Variants in DEFB121 observed in about 807,000 individuals in gnomAD.
DEFB121 encodes defensin beta 121.
A neutral mutation model predicts 2.5 loss-of-function variants in DEFB121; 5 were observed. The observed-to-expected ratio is 1.96, with a 90% CI of 1.03 to 4.13. The LOEUF (loss-of-function observed/expected upper bound fraction) is 4.13, where lower values mean the gene tolerates loss of function less well. DEFB121 is among the 30% of genes most tolerant of loss of function. The pLI is 0.00. For missense variants in DEFB121, 87 were observed against 85.0 expected (o/e 1.02, Z -0.09); for synonymous variants, 39 against 32.6 (o/e 1.20, Z -0.67).
At chr20:31,413,664 C>G (rs1036594763), upstream of DEFB121, among the ~76,000 whole-genome samples, 9 of 145,948 alleles carry the variant, frequency 6.2e-5, no homozygotes, top group African/African-American at 2.3e-4. Flanking sequence ...CATTATATGC[C>G]CTGGCCTTGG....
At chr20:31,418,259 C>CAA in the DEFB121 span, among the ~76,000 whole-genome samples, 64 of 82,920 alleles carry the variant, frequency 7.7e-4, no homozygotes, top group East Asian at 2.4e-3. Flanking sequence ...GACTCCGTCT[C>CAA]AAAAAAAAAA....
upstream of DEFB121, among the ~76,000 whole-genome samples, chr20:31,416,209 C>A (rs1252689441): frequency 6.6e-6 from 1 of 152,048 alleles, no homozygotes; most frequent in East Asian, 1.9e-4. Context: ...TACAGGTGTG[C>A]GCCACCACGC....
At chr20:31,407,021 G>C (rs552670375), upstream of DEFB121, among the ~76,000 whole-genome samples, 2 of 152,132 alleles carry the variant, frequency 1.3e-5, no homozygotes, top group Non-Finnish European at 2.9e-5. Flanking sequence ...GCCGAGGCAG[G>C]CGGATCACAA....
upstream of DEFB121, among the ~76,000 whole-genome samples, chr20:31,409,734 C>T (rs182396530): frequency 1.8e-3 from 269 of 152,084 alleles, no homozygotes; most frequent in African/African-American, 6.0e-3. Flanking sequence ...ACAACAAGAG[C>T]GAAACACTGT....
chr20:31,411,098 C>T (rs995273684), upstream of DEFB121, among the ~76,000 whole-genome samples: 5 of 152,274 alleles, frequency 3.3e-5, no homozygotes, highest in South Asian at 4.1e-4. Flanking sequence ...CATGATTTAT[C>T]GGAATTAATA....
upstream of DEFB121, chr20:31,406,326 G>T (rs1475057335): frequency 7.3e-7 from 1 of 1,363,932 alleles, no homozygotes; most frequent in Non-Finnish European, 9.5e-7. Flanking sequence ...GGCAAGGAAG[G>T]TATCAACCAC....
upstream of DEFB121, among the ~76,000 whole-genome samples, chr20:31,407,129 A>G (rs1978507669): frequency 6.6e-6 from 1 of 152,034 alleles, no homozygotes; most frequent in Admixed American, 6.6e-5. Flanking sequence ...TGGCCACTGT[A>G]GTCCCAGCTA....
chr20:31,412,653 G>A (rs1399295011), exon 1 of DEFB121: 1 of 1,290,740 alleles, frequency 7.7e-7, no homozygotes, highest in Non-Finnish European at 1.0e-6. Flanking sequence ...TTTGGCTATT[G>A]ACCTCTTTCC....
the DEFB121 span, among the ~76,000 whole-genome samples, chr20:31,418,259 CAAAAAAAAAAAAAA>C: frequency 1.2e-5 from 1 of 82,922 alleles, no homozygotes; most frequent in South Asian, 9.7e-4. Flanking sequence ...GACTCCGTCT[CAAAAAAAAAAAAAA>C]AAAAAAAAAG....
At chr20:31,406,283 G>C (rs894859100), upstream of DEFB121, 8 of 1,457,338 alleles carry the variant, frequency 5.5e-6, no homozygotes, top group African/African-American at 5.7e-5. Flanking sequence ...CAGTGAACCA[G>C]AACGGGAACA....
At chr20:31,414,094 C>G (rs1414660590), upstream of DEFB121, among the ~76,000 whole-genome samples, 1 of 152,082 alleles carries the variant, frequency 6.6e-6, no homozygotes, top group Non-Finnish European at 1.5e-5. Flanking sequence ...GTAATCCCAG[C>G]TACTCAGGAG....
At chr20:31,406,397 C>A, upstream of DEFB121, 1 of 683,050 alleles carries the variant, frequency 1.5e-6, no homozygotes, top group South Asian at 6.1e-5. Context: ...TACGGCCTTG[C>A]CTCTGAAGAA....
chr20:31,406,456 C>G (rs999352833), upstream of DEFB121, among the ~76,000 whole-genome samples: 1 of 152,080 alleles, frequency 6.6e-6, no homozygotes, highest in Non-Finnish European at 1.5e-5. Flanking sequence ...ATTTTCATCT[C>G]TAATTTGTTT....
chr20:31,404,959 T>G lies in DEFB121; in HGVS notation c.185A>C (p.Lys62Thr). The G allele has an allele frequency of 6.2e-7, 1 of 1,614,070 alleles. No homozygotes were observed. The highest frequency in any genetic ancestry group is 8.5e-7 in the Non-Finnish European group (1 of 1,180,014). ...CAGGCTTGTATTTGTGTCTGTTAAT[T>G]TTGGTTTTACAGGTACATACTTGGG... ...VDPKYVPVKP[K>T]LTDTNTSLES... is the part of the protein sequence containing the mutation. The change falls in exon 2 of 2, where the codon AAA (lysine) becomes ACA (threonine). Residue 62 changes from lysine to threonine, a missense_variant. Coordinates refer to ENST00000376314, the MANE Select transcript of DEFB121 (RefSeq NM_001011878.3).
chr20:31,413,899 T>A (rs933266882), upstream of DEFB121, among the ~76,000 whole-genome samples: 4 of 152,118 alleles, frequency 2.6e-5, no homozygotes, highest in Non-Finnish European at 5.9e-5. Flanking sequence ...GAAAACGGTA[T>A]GGAGGTTCTT....
At chr20:31,407,006 G>A (rs1978501647), upstream of DEFB121, among the ~76,000 whole-genome samples, 1 of 152,104 alleles carries the variant, frequency 6.6e-6, no homozygotes, top group Non-Finnish European at 1.5e-5. Flanking sequence ...CCAGCAACTT[G>A]GGAGGCCGAG....
At chr20:31,412,333 A>T (rs760433552) in intron 1 of DEFB121, among the ~76,000 whole-genome samples, 2 of 152,184 alleles carry the variant, frequency 1.3e-5, no homozygotes, top group Non-Finnish European at 2.9e-5. Context: ...TTGACAATCT[A>T]TCACTAGGGG....
upstream of DEFB121, chr20:31,406,231 G>T: frequency 6.3e-7 from 1 of 1,591,978 alleles, no homozygotes; most frequent in Non-Finnish European, 8.5e-7. Flanking sequence ...GGGCAGTCCA[G>T]ACTGGTATTT....
chr20:31,413,438 G>T (rs1277635846), upstream of DEFB121, among the ~76,000 whole-genome samples: 3 of 152,114 alleles, frequency 2.0e-5, no homozygotes, highest in East Asian at 5.8e-4. Context: ...GATAAACCAG[G>T]GTATGCCACA....
Sources: gnomAD v4.1 joint callset for allele counts (sites outside exome capture counted in the v4.1 genomes callset) on GRCh38, gnomAD v4.1.1 for gene constraint, MANE v1.5 for transcripts, NCBI Gene and HGNC (gene_info 2026-07-23, HGNC 2026-07-21) for gene names.